Variants in SNX17 observed in about 807,000 individuals in gnomAD.
SNX17 encodes sorting nexin 17.
In SNX17, 35 loss-of-function variants were observed where a neutral mutation model predicts 64.3. That is an observed-to-expected ratio of 0.54 (90% CI 0.42 to 0.72). The LOEUF (loss-of-function observed/expected upper bound fraction) is 0.72, where lower values mean the gene tolerates loss of function less well. Ranked by LOEUF, SNX17 falls within the 30% of genes least tolerant of loss-of-function variation. The pLI, the probability that SNX17 is intolerant of heterozygous loss-of-function variation, is 0.00. For synonymous variants in SNX17, 259 were observed against 230.2 expected, an observed-to-expected ratio of 1.13 and a Z score of -1.13; for missense variants, 538 against 610.0, an observed-to-expected ratio of 0.88 and a Z score of 1.24.
At chr2:27,370,904 G>A (rs894020256) in intron 1 of SNX17, 98 bp downstream of exon 1, 21 of 1,372,272 alleles carry the variant, frequency 1.5e-5, no homozygotes, top group East Asian at 2.5e-5. Flanking sequence ...GCCACCCTTC[G>A]GGCCTGGTCC....
rs546754391 is a variant in SNX17 at position 27,375,265 on chromosome 2, A to C, written c.774+112A>C. 2.8e-4 allele frequency: 301 copies of C among 1,061,752 alleles called. No homozygotes were observed. In the African/African-American group the frequency reaches 4.0e-3, roughly 14 times the overall value. The allele number at this position is 1,061,752 out of a possible 1,614,324, so 65.8% of individuals were successfully genotyped here. ...GCCATTCTCCCGCCTCAGCCTCCCG[A>C]GTAGCTGGGACTACAGGCACCCGCC... On this transcript the variant is annotated intron_variant, in intron 9 of 14. Coordinates refer to ENST00000233575, the MANE Select transcript of SNX17 (RefSeq NM_014748.4). The surrounding 1 kb of genome is among the most constrained non-coding windows in gnomAD (Gnocchi z 4.1).
At chr2:27,374,997 G>T in intron 8 of SNX17, 64 bp from the exon 9 acceptor site, 1 of 1,452,028 alleles carries the variant, frequency 6.9e-7, no homozygotes, top group Non-Finnish European at 9.7e-7. Context: ...AGAGGTAATG[G>T]TAGACGCTTT....
Position 27,375,139 on chromosome 2 carries a change from G to C in SNX17, c.760G>C (p.Val254Leu), listed in dbSNP as rs769028094. The C allele has an allele frequency of 8.7e-6, 14 of 1,614,028 alleles. No homozygotes were observed. In the Admixed American group the frequency reaches 1.3e-4, roughly 15 times the overall value. ...GCAACTCAAATCTCTGCAAGAGAAA[G>C]TCTCCAAGAAGGAGGTGAGCCCTGC... ...HRQLKSLQEK[V>L]SKKEFLRLAQ... Residue 254 changes from valine (V) to leucine (L), a missense_variant, in exon 9 of 15, where the codon GTC becomes CTC. Physicochemically the swap from Val to Leu is conservative, Grantham distance 32 (BLOSUM62 1). This residue lies in a region of SNX17 where 505 missense variants were observed against 550.4 expected (regional missense o/e 0.92). Transcript: ENST00000233575. The surrounding 1 kb of genome is among the most constrained non-coding windows in gnomAD (Gnocchi z 4.1).
At chr2:27,373,746 C>T in intron 4 of SNX17, 115 bp from the exon 5 acceptor site, 1 of 703,548 alleles carries the variant, frequency 1.4e-6, no homozygotes, top group South Asian at 1.7e-5. Flanking sequence ...GAAATCACAG[C>T]CTATATTTAA....
chr2:27,371,348 G>A lies in SNX17; in HGVS notation c.138+5G>A. 6.2e-7 allele frequency: 1 copy of A among 1,609,786 alleles called. No homozygotes were observed. The highest frequency in any genetic ancestry group is 8.5e-7 in the Non-Finnish European group (1 of 1,178,928). ...CTCCTGGGGCTGCACGAGCAGGTGGGACTAGCACCCCTGCCTTGAGACAGC... is the reference window on the plus strand; with the variant it reads ...CTCCTGGGGCTGCACGAGCAGGTGGAACTAGCACCCCTGCCTTGAGACAGC... On this transcript the variant is annotated splice_donor_5th_base_variant and intron_variant, in intron 2 of 14. Coordinates refer to ENST00000233575, the MANE Select transcript of SNX17 (RefSeq NM_014748.4).
At chr2:27,373,654 C>T (rs1682866249) in intron 4 of SNX17, among the ~76,000 whole-genome samples, 1 of 152,214 alleles carries the variant, frequency 6.6e-6, no homozygotes, top group South Asian at 2.1e-4. Context: ...TGAGCCACCA[C>T]ACCCAGCCAG....
rs1223516050 is a variant in SNX17, at chr2:27,375,024, G to A, written c.682-37G>A. 3.8e-6 allele frequency: 6 copies of A among 1,578,978 alleles called. No individual in the cohort carries two copies. The Admixed American group carries it at 6.7e-5, about 18-fold the overall frequency. On this transcript the variant is annotated intron_variant, in intron 8 of 14. Transcript: ENST00000233575. This position sits in a 1 kb window ranked among gnomAD's most constrained non-coding sequence, Gnocchi z 4.1. ...AGACGCTTTCCTTGGATTGCTGACT[G>A]GGACCTCCTACTGCCTGCCCCTTGT... is the stretch of plus-strand genomic sequence containing the variant.
chr2:27,372,604 T>C lies in SNX17; in HGVS notation c.139-19T>C, dbSNP rs1682747600. On this transcript the variant is annotated intron_variant, in intron 2 of 14. Coordinates refer to ENST00000233575, the MANE Select transcript of SNX17 (RefSeq NM_014748.4). ...TTTTCTGTGTTTATGTGAAGGGTTG[T>C]ATCTCTTTCTCTAAATAGCTTCGGA... The C allele has an allele frequency of 1.2e-6, 2 of 1,614,062 alleles. No homozygotes were observed. The highest frequency in any genetic ancestry group is 4.5e-5 in the East Asian group (2 of 44,888).
chr2:27,374,971 AG>A (rs1683023939), intron 8 of SNX17, 89 bp from the exon 9 acceptor site: 1 of 1,234,202 alleles, frequency 8.1e-7, no homozygotes. Flanking sequence ...GTGTGGGGCT[AG>A]GGGTCAGGCT....
chr2:27,373,059 C>G (rs769355616), intron 3 of SNX17, 188 bp from the exon 4 acceptor site: 11 of 1,549,970 alleles, frequency 7.1e-6, no homozygotes, highest in Non-Finnish European at 8.7e-6. Context: ...CTGGACTCAC[C>G]TAGATGGCAG....
At position 27,374,166 on chromosome 2, in the gene SNX17, G is replaced by A; in HGVS notation, c.514G>A (p.Ala172Thr). ...LFLVREKEDG[A>T]FSFVRKLQEF... ...CTTAGTTCGAGAAAAAGAGGATGGA[G>A]CCTTTTCTTGTGAGTTTCTCTGGAC... Residue 172 changes from alanine to threonine, a missense_variant, in exon 6 of 15, where the codon GCC (alanine) becomes ACC (threonine). Physicochemically the swap from Ala to Thr is moderately conservative, Grantham distance 58. Transcript: ENST00000233575. The A allele has an allele frequency of 6.2e-7, 1 of 1,613,722 alleles. No homozygotes were observed. Among genetic ancestry groups the A allele is most frequent in the Non-Finnish European group, 8.5e-7 (1 of 1,179,874 alleles).
Position 27,376,845 on chromosome 2 carries a change from C to T in SNX17, c.*126C>T, listed in dbSNP as rs1683298940. ...CTTCTTTCCTACCTACCCCTTTTCTCTTGGCCAGGGGCCTCGTATCCTACC... is the reference window on the plus strand; with the variant it reads ...CTTCTTTCCTACCTACCCCTTTTCTTTTGGCCAGGGGCCTCGTATCCTACC... On this transcript the variant is annotated 3_prime_UTR_variant, in exon 15 of 15. Transcript: ENST00000233575. 2 of 765,734 alleles carry T rather than the reference C, an allele frequency of 2.6e-6. No individual in the cohort carries two copies. Among genetic ancestry groups the T allele is most frequent in the Non-Finnish European group, 4.3e-6 (2 of 466,252 alleles). 47.4% of individuals were successfully genotyped at this position (765,734 alleles called of 1,614,324 possible).
Position 27,374,214 on chromosome 2 carries a change from T to G in SNX17, c.523+39T>G, listed in dbSNP as rs185247868. On this transcript the variant is annotated intron_variant, in intron 6 of 14. Transcript: ENST00000233575. ...GACTTGACTGCAGTACAAGGGTACTTCAGTAGAGTTTGCAGCCCCCCTAAC... is the reference window on the plus strand; with the variant it reads ...GACTTGACTGCAGTACAAGGGTACTGCAGTAGAGTTTGCAGCCCCCCTAAC... 238 of 1,586,690 alleles carry G rather than the reference T, an allele frequency of 1.5e-4. No homozygotes were observed. The African/African-American group carries it at 3.0e-3, about 20-fold the overall frequency.
intron 1 of SNX17, among the ~76,000 whole-genome samples, chr2:27,371,036 G>T (rs933366453): frequency 3.7e-4 from 57 of 152,272 alleles, no homozygotes; most frequent in Admixed American, 1.3e-4. Flanking sequence ...GGCCGCAGCT[G>T]CCCTGGTGGG....
chr2:27,374,994 A>G, intron 8 of SNX17, 67 bp from the exon 9 acceptor site: 1 of 1,421,210 alleles, frequency 7.0e-7, no homozygotes, highest in Non-Finnish European at 1.0e-6. Context: ...GACAGAGGTA[A>G]TGGTAGACGC....
chr2:27,376,402 C>T lies in SNX17; in HGVS notation c.1257+15C>T. ...CACCACTGCTTGTAAGTATTACCTC[C>T]TGGTCAGAACCCTGGCTCTCAGCCC... On this transcript the variant is annotated intron_variant, in intron 13 of 14. Coordinates refer to ENST00000233575, the MANE Select transcript of SNX17 (RefSeq NM_014748.4). 1 of 1,614,080 alleles carries T rather than the reference C, an allele frequency of 6.2e-7. No homozygotes were observed. Among genetic ancestry groups the T allele is most frequent in the Non-Finnish European group, 8.5e-7 (1 of 1,179,984 alleles).
At chr2:27,372,358 A>T (rs1438029755) in intron 2 of SNX17, among the ~76,000 whole-genome samples, 1 of 152,204 alleles carries the variant, frequency 6.6e-6, no homozygotes, top group Admixed American at 6.5e-5. Flanking sequence ...GGGGCTCCCT[A>T]TAGGTCCTGG....
At position 27,370,677 on chromosome 2, in the gene SNX17, G is replaced by A. The variant is rs11557230; in HGVS notation, c.-67G>A. On this transcript the variant is annotated 5_prime_UTR_variant, in exon 1 of 15. Coordinates refer to ENST00000233575, the MANE Select transcript of SNX17 (RefSeq NM_014748.4). The stretch of plus-strand genomic sequence containing the variant: ...CTGCGGGGACTCGCTGAGCAGCGGA[G>A]GGGGAGCGTGCAGAGCCGCTGCGGC... The A allele has an allele frequency of 4.2e-3, 6,317 of 1,494,932 alleles. 15 individuals carry two copies. Among genetic ancestry groups the A allele is most frequent in the Non-Finnish European group, 5.2e-3 (5,768 of 1,116,282 alleles). 92.6% of individuals were successfully genotyped at this position (1,494,932 alleles called of 1,614,324 possible). A position where few individuals can be genotyped will look rare whatever the true frequency, so the allele number is the denominator to read the frequency against.
Position 27,376,240 on chromosome 2 carries a change from C to T in SNX17, c.1182+57C>T, listed in dbSNP as rs893508156. On this transcript the variant is annotated intron_variant, in intron 12 of 14. Transcript: ENST00000233575. ...AGGTGTGCTCCCCTTGCCTTTTGTC[C>T]TAGATGTGAGGCTTGTCTTGAGAGG... is the stretch of plus-strand genomic sequence containing the variant. The T allele has an allele frequency of 2.8e-5, 45 of 1,612,888 alleles. No homozygotes were observed. In the East Asian group the frequency reaches 9.4e-4, roughly 34 times the overall value.
Sources: allele counts gnomAD v4.1 joint callset (sites outside exome capture counted in the v4.1 genomes callset), GRCh38; gene constraint gnomAD v4.1.1; regional missense constraint gnomAD v4.1.1; non-coding constraint Gnocchi (gnomAD v3.1); transcripts MANE v1.5; gene names NCBI Gene and HGNC (gene_info 2026-07-23, HGNC 2026-07-21).